The following ADIPOR2 variants were observed in gnomAD, a reference collection of about 807,000 sequenced individuals.
ADIPOR2 encodes the protein adiponectin receptor 2.
Under a neutral mutation model 40.9 loss-of-function variants are expected in ADIPOR2, and 18 were observed. The observed-to-expected ratio is 0.44, with a 90% CI of 0.30 to 0.65. The LOEUF is 0.65. ADIPOR2 is among the 30% of genes least tolerant of loss of function. ADIPOR2 has a pLI of 0.09. For missense variants in ADIPOR2, 283 were observed against 479.2 expected (o/e 0.59, Z 3.82); for synonymous variants, 165 against 166.4 (o/e 0.99, Z 0.06).
At chr12:1,723,965 T>C (rs1196098404) in intron 1 of ADIPOR2, among the ~76,000 whole-genome samples, 1 of 151,982 alleles carries the variant, frequency 6.6e-6, no homozygotes. Context: ...ATGTTACTGG[T>C]ATACATACAA....
intron 1 of ADIPOR2, among the ~76,000 whole-genome samples, chr12:1,708,435 A>G (rs539111378): frequency 5.9e-5 from 9 of 152,270 alleles, no homozygotes; most frequent in African/African-American, 2.2e-4. Context: ...GTGTCTTAAG[A>G]AGTATTTAGC....
intron 1 of ADIPOR2, among the ~76,000 whole-genome samples, chr12:1,701,707 C>T (rs1029859227): frequency 2.0e-5 from 3 of 152,072 alleles, no homozygotes; most frequent in African/African-American, 4.8e-5. Context: ...TTTATTTATT[C>T]TCATGTTGAT....
intron 1 of ADIPOR2, among the ~76,000 whole-genome samples, chr12:1,748,178 G>A (rs1262137295): frequency 6.6e-6 from 1 of 151,212 alleles, no homozygotes; most frequent in Non-Finnish European, 1.5e-5. Flanking sequence ...GTTCTTTTTT[G>A]TAGTTTACAT....
intron 6 of ADIPOR2, 137 bp from the exon 7 acceptor site, chr12:1,783,743 C>CT: frequency 1.4e-6 from 1 of 712,444 alleles, no homozygotes; most frequent in South Asian, 3.0e-5. Flanking sequence ...CTTCTTTTTC[C>CT]TTTAAAACTG....
At chr12:1,754,592 A>C in intron 2 of ADIPOR2, 78 bp downstream of exon 2, 1 of 1,409,852 alleles carries the variant, frequency 7.1e-7, no homozygotes. Context: ...GGGAAAAAAA[A>C]GTGGGGGTCC....
chr12:1,766,917 A>G (rs1565654368), intron 2 of ADIPOR2, among the ~76,000 whole-genome samples: 1 of 152,230 alleles, frequency 6.6e-6, no homozygotes, highest in Non-Finnish European at 1.5e-5. Flanking sequence ...TAACTTGTAA[A>G]TAGACTCTTG....
chr12:1,780,259 G>A (rs1048530065), intron 4 of ADIPOR2, 192 bp from the exon 5 acceptor site: 6 of 507,590 alleles, frequency 1.2e-5, no homozygotes, highest in Non-Finnish European at 1.7e-5. Context: ...TGAAGCTGAA[G>A]TATTTCTGAT....
chr12:1,760,183 T>G (rs1862237827), intron 2 of ADIPOR2, among the ~76,000 whole-genome samples: 1 of 152,200 alleles, frequency 6.6e-6, no homozygotes, highest in South Asian at 2.1e-4. Flanking sequence ...GTTAATGTAT[T>G]AAAAACTTCT....
chr12:1,749,830 TA>T (rs1565648178), intron 1 of ADIPOR2, among the ~76,000 whole-genome samples: 1 of 137,634 alleles, frequency 7.3e-6, no homozygotes, highest in African/African-American at 2.7e-5. Context: ...GCTATTTGTT[TA>T]GTTTTTTTTT....
intron 1 of ADIPOR2, among the ~76,000 whole-genome samples, chr12:1,692,644 G>T (rs947136722): frequency 2.8e-5 from 4 of 142,102 alleles, no homozygotes; most frequent in Admixed American, 1.4e-4. Context: ...AAGAGAGTTT[G>T]TTTTTTTTTT....
intron 1 of ADIPOR2, among the ~76,000 whole-genome samples, chr12:1,711,624 C>G (rs1455234211): frequency 1.2e-4 from 7 of 56,476 alleles, no homozygotes; most frequent in African/African-American, 2.6e-4. Flanking sequence ...CTCTCTCTCT[C>G]TCTCTCTCTC....
At chr12:1,755,579 C>G (rs1862108574) in intron 2 of ADIPOR2, among the ~76,000 whole-genome samples, 1 of 152,180 alleles carries the variant, frequency 6.6e-6, no homozygotes, top group Admixed American at 6.6e-5. Flanking sequence ...CAGTAGAGTT[C>G]TGAAAGCTGA....
At chr12:1,700,710 G>GAA (rs1211582951) in intron 1 of ADIPOR2, among the ~76,000 whole-genome samples, 1 of 151,198 alleles carries the variant, frequency 6.6e-6, no homozygotes, top group Non-Finnish European at 1.5e-5. Flanking sequence ...TTTCAGGGGT[G>GAA]AAATCCTCTC....
At chr12:1,781,529 T>G (rs1862720318) in intron 6 of ADIPOR2, among the ~76,000 whole-genome samples, 1 of 152,232 alleles carries the variant, frequency 6.6e-6, no homozygotes, top group South Asian at 2.1e-4. Context: ...ATGCTGATTA[T>G]GTTTTGTTAA....
intron 1 of ADIPOR2, among the ~76,000 whole-genome samples, chr12:1,706,818 T>G (rs1301513973): frequency 6.6e-6 from 1 of 152,150 alleles, no homozygotes; most frequent in Admixed American, 6.5e-5. Context: ...TACATTCATT[T>G]TGTCTCTTAG....
chr12:1,752,295 G>C (rs186608607), intron 1 of ADIPOR2, among the ~76,000 whole-genome samples: 39 of 133,318 alleles, frequency 2.9e-4, no homozygotes, highest in African/African-American at 1.0e-3. Context: ...GTGCAGTGGC[G>C]TGATCTTGGC....
chr12:1,705,465 T>C (rs2094660333), intron 1 of ADIPOR2, among the ~76,000 whole-genome samples: 1 of 152,106 alleles, frequency 6.6e-6, no homozygotes, highest in Admixed American at 6.6e-5. Context: ...ATACCTGACT[T>C]CCAGTGACAA....
At chr12:1,756,770 G>A (rs11061973) in intron 2 of ADIPOR2, among the ~76,000 whole-genome samples, 19,115 of 152,056 alleles carry the variant, frequency 0.13, 1,564 homozygotes, top group East Asian at 0.26. Context: ...AAACAGCATG[G>A]TGGGAGCAGC....
Position 1,786,259 on chromosome 12 carries a change from T to A in ADIPOR2, c.*187T>A, listed in dbSNP as rs1862833114. On this transcript the variant is annotated 3_prime_UTR_variant, in exon 8 of 8. Coordinates refer to ENST00000357103, the MANE Select transcript of ADIPOR2 (RefSeq NM_024551.3). ...GAGAAAAACAAAAATAAATCATACCTCAAAGGATGGAGTGCATCAATTGGG... is the reference window on the plus strand; with the variant it reads ...GAGAAAAACAAAAATAAATCATACCACAAAGGATGGAGTGCATCAATTGGG... 3.0e-6 allele frequency: 2 copies of A among 661,446 alleles called. No homozygotes were observed. The highest frequency in any genetic ancestry group is 4.8e-6 in the Non-Finnish European group (2 of 418,398). The allele number at this position is 661,446 out of a possible 1,614,324, so 41.0% of individuals were successfully genotyped here.
Sources: allele counts gnomAD v4.1 joint callset (sites outside exome capture counted in the v4.1 genomes callset), GRCh38; gene constraint gnomAD v4.1.1; transcripts MANE v1.5; gene names NCBI Gene and HGNC (gene_info 2026-07-23, HGNC 2026-07-21).